The following KCNG3 variants were observed in gnomAD, a reference collection of about 807,000 sequenced individuals.
KCNG3 encodes the protein voltage-gated potassium channel regulatory subunit KCNG3.
Under a neutral mutation model 29.0 loss-of-function variants are expected in KCNG3, and 15 were observed. The ratio of observed to expected loss-of-function variants is 0.52; its 90% CI spans 0.35 to 0.80. The LOEUF is 0.80. Ranked by LOEUF, KCNG3 falls within the 30% of genes least tolerant of loss-of-function variation. The probability of loss-of-function intolerance (pLI) is 0.01; values close to 1 mark genes in which losing one functional copy is unlikely to be tolerated. For synonymous variants in KCNG3, 322 were observed against 248.9 expected (o/e 1.29, Z -2.76); for missense variants, 512 against 605.7 (o/e 0.85, Z 1.62).
intron 1 of KCNG3, among the ~76,000 whole-genome samples, chr2:42,447,065 C>T (rs1036218425): frequency 2.2e-5 from 3 of 134,138 alleles, no homozygotes; most frequent in Non-Finnish European, 4.9e-5. Context: ...ACCTGTGTGA[C>T]AGACAGCAAA....
At chr2:42,415,898 G>T in the KCNG3 span, among the ~76,000 whole-genome samples, 11 of 152,152 alleles carry the variant, frequency 7.2e-5, no homozygotes, top group Non-Finnish European at 1.5e-4. Context: ...TATCCTCATA[G>T]AAGTAGAGAG....
intron 1 of KCNG3, among the ~76,000 whole-genome samples, chr2:42,453,748 T>C (rs1275327390): frequency 6.6e-6 from 1 of 152,172 alleles, no homozygotes; most frequent in Non-Finnish European, 1.5e-5. Context: ...TTTGGTTGCC[T>C]ATGCTGGTGG....
intron 1 of KCNG3, among the ~76,000 whole-genome samples, chr2:42,468,711 T>C (rs565421131): frequency 6.6e-6 from 1 of 151,866 alleles, no homozygotes; most frequent in Non-Finnish European, 1.5e-5. Flanking sequence ...TCTCAGCACT[T>C]TGGGAGGATG....
chr2:42,443,807 G>A lies in KCNG3; in HGVS notation c.*127C>T, dbSNP rs770518615. ...ACTGTTTTATCCCTTCGGCTGGGAA[G>A]GATAATTTTTACCCTACCAAGATGA... On this transcript the variant is annotated 3_prime_UTR_variant, in exon 2 of 2. Transcript: ENST00000306078. The A allele has an allele frequency of 1.2e-6, 1 of 852,014 alleles. No individual in the cohort carries two copies. The allele number at this position is 852,014 out of a possible 1,614,324, so 52.8% of individuals were successfully genotyped here. A position where few individuals can be genotyped will look rare whatever the true frequency, so the allele number is the denominator to read the frequency against.
intron 1 of KCNG3, among the ~76,000 whole-genome samples, chr2:42,452,251 T>A (rs1382402458): frequency 1.2e-4 from 12 of 100,042 alleles, no homozygotes; most frequent in East Asian, 1.2e-3. Context: ...ATATTTTTTT[T>A]TTTTTTTTAA....
At chr2:42,415,846 C>T in the KCNG3 span, among the ~76,000 whole-genome samples, 1 of 152,088 alleles carries the variant, frequency 6.6e-6, no homozygotes. Flanking sequence ...CATGGAAAGG[C>T]AAATATTGCA....
chr2:42,446,527 C>T (rs1672601609), intron 1 of KCNG3, among the ~76,000 whole-genome samples: 1 of 152,098 alleles, frequency 6.6e-6, no homozygotes, highest in South Asian at 2.1e-4. Context: ...TATACCATCA[C>T]TTGTTTTTCT....
chr2:42,419,818 G>T, the KCNG3 span, among the ~76,000 whole-genome samples: 1 of 152,240 alleles, frequency 6.6e-6, no homozygotes, highest in East Asian at 1.9e-4. Flanking sequence ...ATGTGCATCA[G>T]GGTTAAATCG....
At chr2:42,464,725 G>C (rs749008069) in intron 1 of KCNG3, among the ~76,000 whole-genome samples, 1 of 152,158 alleles carries the variant, frequency 6.6e-6, no homozygotes, top group Non-Finnish European at 1.5e-5. Flanking sequence ...TCAAGTCTGA[G>C]CTCAAGGATC....
the KCNG3 span, among the ~76,000 whole-genome samples, chr2:42,413,939 C>T: frequency 9.9e-5 from 15 of 152,148 alleles, no homozygotes; most frequent in Non-Finnish European, 1.8e-4. Flanking sequence ...GGGACACAGC[C>T]AAACCATATC....
intron 1 of KCNG3, among the ~76,000 whole-genome samples, chr2:42,468,262 A>T (rs536792958): frequency 1.3e-5 from 2 of 152,342 alleles, no homozygotes; most frequent in East Asian, 3.9e-4. Flanking sequence ...TGTCTACATT[A>T]CAACAAAAAT....
the KCNG3 span, among the ~76,000 whole-genome samples, chr2:42,412,706 C>G: frequency 2.6e-5 from 4 of 151,950 alleles, no homozygotes; most frequent in African/African-American, 9.7e-5. Flanking sequence ...TTATATTATA[C>G]TATATTGTTA....
chr2:42,486,338 C>T (rs560317169), intron 1 of KCNG3, among the ~76,000 whole-genome samples: 2 of 152,338 alleles, frequency 1.3e-5, no homozygotes, highest in South Asian at 4.1e-4. Flanking sequence ...ACTGCTATTC[C>T]CTAAGATCAA....
chr2:42,421,004 G>C, the KCNG3 span, among the ~76,000 whole-genome samples: 20 of 152,186 alleles, frequency 1.3e-4, no homozygotes, highest in African/African-American at 4.8e-4. Flanking sequence ...GCAGCTTTAT[G>C]AGTAAGAATG....
At chr2:42,395,717 A>C in the KCNG3 span, among the ~76,000 whole-genome samples, 1 of 152,040 alleles carries the variant, frequency 6.6e-6, no homozygotes, top group Non-Finnish European at 1.5e-5. Flanking sequence ...TACTTGGGAG[A>C]CTGAGGTTGG....
chr2:42,414,710 T>G, the KCNG3 span, among the ~76,000 whole-genome samples: 1 of 152,220 alleles, frequency 6.6e-6, no homozygotes, highest in African/African-American at 2.4e-5. Flanking sequence ...CCCTCATTTG[T>G]GTAGGCTAAA....
the KCNG3 span, among the ~76,000 whole-genome samples, chr2:42,403,212 C>G: frequency 2.0e-5 from 3 of 152,224 alleles, no homozygotes; most frequent in South Asian, 6.2e-4. Context: ...ACGATCATGG[C>G]TCACTGCAGC....
chr2:42,455,348 T>G (rs1056119411), intron 1 of KCNG3, among the ~76,000 whole-genome samples: 10 of 152,224 alleles, frequency 6.6e-5, no homozygotes, highest in African/African-American at 2.2e-4. Flanking sequence ...CATTAATTAA[T>G]TTTTGACTTA....
rs1195867458 is a variant in KCNG3, at chr2:42,442,079, GA to G, written c.*1854del. 1 of 151,940 alleles carries G rather than the reference GA, an allele frequency of 6.6e-6. No individual in the cohort carries two copies. Among genetic ancestry groups the G allele is most frequent in the Non-Finnish European group, 1.5e-5 (1 of 68,006 alleles). 9.4% of individuals were successfully genotyped at this position (151,940 alleles called of 1,614,324 possible). ...GCTATCATCTGCACATTGTTTGCAT[GA>G]ACCACAAAGCTTTAATCCAAATAGT... On this transcript the variant is annotated 3_prime_UTR_variant, in exon 2 of 2. Transcript: ENST00000306078.
Sources: gnomAD v4.1 joint callset for allele counts (sites outside exome capture counted in the v4.1 genomes callset) on GRCh38, gnomAD v4.1.1 for gene constraint, MANE v1.5 for transcripts, NCBI Gene and HGNC (gene_info 2026-07-23, HGNC 2026-07-21) for gene names.